RUNX3: variants seen among roughly 807,000 people sequenced by gnomAD.
RUNX3 encodes the protein RUNX family transcription factor 3.
RUNX3 carries 10 observed loss-of-function variants against 27.7 expected under a neutral mutation model. The ratio of observed to expected loss-of-function variants is 0.36; its 90% CI spans 0.22 to 0.61. The LOEUF is 0.61. Among genes scored for constraint, RUNX3 ranks in the 20% least tolerant of loss-of-function variants. The probability of loss-of-function intolerance (pLI) is 0.72; values close to 1 mark genes in which losing one functional copy is unlikely to be tolerated. For missense variants in RUNX3, 469 were observed against 629.5 expected (o/e 0.75, Z 2.73); for synonymous variants, 270 against 269.2 (o/e 1.00, Z -0.03).
At chr1:24,939,407 T>C (rs868314319) in intron 2 of RUNX3, among the ~76,000 whole-genome samples, 8 of 152,384 alleles carry the variant, frequency 5.2e-5, no homozygotes, top group African/African-American at 1.9e-4. Flanking sequence ...TGCCTCTGTC[T>C]GCATCATCAT....
At position 24,943,017 on chromosome 1, in the gene RUNX3, C is replaced by T. The variant is rs375497472; in HGVS notation, c.59-13165G>A. Among the ~76,000 whole-genome samples, 234 of 152,360 alleles carry T rather than the reference C, an allele frequency of 1.5e-3. No individual in the cohort carries two copies. The highest frequency in any genetic ancestry group is 5.3e-3 in the African/African-American group (222 of 41,588). ...TCTAGGAGGGGGCAGCGGCTCAGGACTGGGCGGGGGTCCGGAGCGGAAGGC... is the reference window on the plus strand; with the variant it reads ...TCTAGGAGGGGGCAGCGGCTCAGGATTGGGCGGGGGTCCGGAGCGGAAGGC... On this transcript the variant is annotated intron_variant, in intron 2 of 6. Coordinates refer to the RUNX3 transcript ENST00000338888. The surrounding 1 kb of genome is among the most constrained non-coding windows in gnomAD (Gnocchi z 4.6).
rs1419720087 is a variant in RUNX3, at chr1:24,901,029, T to G, written c.*1093A>C. Reference sequence around the variant, plus strand: ...TAAAAACTGTTTTGTTTTTTTTTTGTTTTTTTGTTTTTTTTTTTTTTTTGC... The same window carrying G: ...TAAAAACTGTTTTGTTTTTTTTTTGGTTTTTTGTTTTTTTTTTTTTTTTGC... On this transcript the variant is annotated 3_prime_UTR_variant, in exon 5 of 5. Coordinates refer to ENST00000308873, the MANE Select transcript of RUNX3 (RefSeq NM_004350.3). The G allele has an allele frequency of 3.5e-5, 5 of 140,888 alleles. No homozygotes were observed. Among genetic ancestry groups the G allele is most frequent in the Non-Finnish European group, 6.0e-5 (4 of 67,066 alleles). 8.7% of individuals were successfully genotyped at this position (140,888 alleles called of 1,614,324 possible). A position where few individuals can be genotyped will look rare whatever the true frequency, so the allele number is the denominator to read the frequency against.
At chr1:24,944,050 C>T (rs1314866673) in intron 2 of RUNX3, among the ~76,000 whole-genome samples, 1 of 152,054 alleles carries the variant, frequency 6.6e-6, no homozygotes, top group Non-Finnish European at 1.5e-5. Flanking sequence ...GCGACTTAGC[C>T]CTTGGGGCCT....
At position 24,930,020 on chromosome 1, in the gene RUNX3, G is replaced by C; in HGVS notation, c.-152C>G. The C allele has an allele frequency of 9.0e-7, 1 of 1,107,858 alleles. No individual in the cohort carries two copies. Among genetic ancestry groups the C allele is most frequent in the Non-Finnish European group, 1.1e-6 (1 of 910,928 alleles). 68.6% of individuals were successfully genotyped at this position (1,107,858 alleles called of 1,614,324 possible). ...CCTCAGGGCGCAGGGGGCGGCGCCC[G>C]GCCACTACTCGCCAGGGCCCGCCCG... On this transcript the variant is annotated 5_prime_UTR_variant, in exon 1 of 5. Coordinates refer to ENST00000308873, the MANE Select transcript of RUNX3 (RefSeq NM_004350.3). The surrounding 1 kb of genome is among the most constrained non-coding windows in gnomAD (Gnocchi z 4.1).
At chr1:24,952,367 A>G (rs977624246) in intron 2 of RUNX3, among the ~76,000 whole-genome samples, 3 of 152,192 alleles carry the variant, frequency 2.0e-5, no homozygotes, top group Non-Finnish European at 2.9e-5. Context: ...TTGAGCATAC[A>G]CTATTTTAGA....
At chr1:24,949,449 C>T (rs1176956592) in intron 2 of RUNX3, among the ~76,000 whole-genome samples, 2 of 152,158 alleles carry the variant, frequency 1.3e-5, no homozygotes, top group Non-Finnish European at 2.9e-5. Flanking sequence ...AGACCCTGCC[C>T]AGCACCCACA....
chr1:24,954,902 T>C (rs1438348576), intron 2 of RUNX3, among the ~76,000 whole-genome samples: 1 of 152,172 alleles, frequency 6.6e-6, no homozygotes, highest in Non-Finnish European at 1.5e-5. Flanking sequence ...CATGGGATGC[T>C]TTGCCCCACA....
chr1:24,915,861 G>A (rs1035966986), intron 3 of RUNX3, among the ~76,000 whole-genome samples: 6 of 152,210 alleles, frequency 3.9e-5, no homozygotes, highest in East Asian at 3.9e-4. Context: ...AGGTGTCACC[G>A]CCCCTCCTGC....
intron 2 of RUNX3, among the ~76,000 whole-genome samples, chr1:24,953,554 C>G (rs982002722): frequency 6.6e-6 from 1 of 152,146 alleles, no homozygotes; most frequent in South Asian, 2.1e-4. Flanking sequence ...TTCAAGCGCT[C>G]GGGATTCACG....
intron 1 of RUNX3, chr1:24,964,673 T>C: frequency 1.3e-6 from 2 of 1,515,890 alleles, no homozygotes; most frequent in Admixed American, 4.1e-5. Flanking sequence ...TAGCTACTTT[T>C]GAAAATAAAA....
At chr1:24,963,299 G>A (rs1255054687) in intron 2 of RUNX3, among the ~76,000 whole-genome samples, 1 of 152,204 alleles carries the variant, frequency 6.6e-6, no homozygotes, top group African/African-American at 2.4e-5. Context: ...CGGCCACCCA[G>A]GCAGCAGCCC....
At chr1:24,952,818 C>G (rs1478585994) in intron 2 of RUNX3, among the ~76,000 whole-genome samples, 1 of 152,188 alleles carries the variant, frequency 6.6e-6, no homozygotes, top group Non-Finnish European at 1.5e-5. Flanking sequence ...AGTGGCAGAT[C>G]CGGTAGACAA....
chr1:24,937,856 G>C (rs1252525755), intron 2 of RUNX3, among the ~76,000 whole-genome samples: 1 of 152,186 alleles, frequency 6.6e-6, no homozygotes, highest in Non-Finnish European at 1.5e-5. Flanking sequence ...AAATTTATTA[G>C]CTCTTTCCAT....
Position 24,921,759 on chromosome 1 carries a change from G to A in RUNX3, c.440-2415C>T, listed in dbSNP as rs554067585. On this transcript the variant is annotated intron_variant, in intron 2 of 4. Transcript: ENST00000308873. ...TGTCCAGCACCTTCTTGGTTATGAC[G>A]GGGAGTTTAGGCAGACAGCCCAGAG... 1.8e-4 allele frequency among the ~76,000 whole-genome samples: 27 copies of A among 152,244 alleles called. 1 individual carries two copies. Among genetic ancestry groups the A allele is most frequent in the African/African-American group, 4.1e-4 (17 of 41,540 alleles).
At position 24,943,709 on chromosome 1, in the gene RUNX3, A is replaced by G. The variant is rs1273409711; in HGVS notation, c.59-13857T>C. Among the ~76,000 whole-genome samples, 3 of 152,208 alleles carry G rather than the reference A, an allele frequency of 2.0e-5. No homozygotes were observed. The highest frequency in any genetic ancestry group is 4.4e-5 in the Non-Finnish European group (3 of 68,040). On this transcript the variant is annotated intron_variant, in intron 2 of 6. Transcript: ENST00000338888. This position sits in a 1 kb window ranked among gnomAD's most constrained non-coding sequence, Gnocchi z 4.6. ...CCAGGGGAGTCCAAAGTCAGGACTC[A>G]TTCTTCCCCCAGGTCATCGTGGGAC...
chr1:24,947,582 G>A (rs560531626), intron 2 of RUNX3, among the ~76,000 whole-genome samples: 3 of 152,316 alleles, frequency 2.0e-5, no homozygotes. Flanking sequence ...GGGACCTGAC[G>A]GCCCCAGATG....
intron 2 of RUNX3, among the ~76,000 whole-genome samples, chr1:24,959,727 G>A (rs1029365682): frequency 8.5e-5 from 13 of 152,112 alleles, no homozygotes; most frequent in Non-Finnish European, 1.5e-4. Flanking sequence ...AGACCATCTC[G>A]GCCAGACCTG....
intron 2 of RUNX3, among the ~76,000 whole-genome samples, chr1:24,959,609 A>G (rs1642048275): frequency 6.6e-6 from 1 of 152,142 alleles, no homozygotes; most frequent in South Asian, 2.1e-4. Context: ...TTTCAGTGCT[A>G]AAACAGAGAG....
chr1:24,905,527 G>A (rs868360468), intron 4 of RUNX3, among the ~76,000 whole-genome samples: 2 of 152,240 alleles, frequency 1.3e-5, no homozygotes, highest in African/African-American at 4.8e-5. Context: ...AGGCAGAGAA[G>A]CAGAAGTCAG....
Sources: gnomAD v4.1 joint callset for allele counts (sites outside exome capture counted in the v4.1 genomes callset) on GRCh38, gnomAD v4.1.1 for gene constraint, Gnocchi (gnomAD v3.1) non-coding constraint, MANE v1.5 for transcripts, NCBI Gene and HGNC (gene_info 2026-07-23, HGNC 2026-07-21) for gene names.